The following CUL1 variants were observed in gnomAD, a reference collection of about 807,000 sequenced individuals.
The protein encoded by CUL1 is cullin 1.
A neutral mutation model predicts 118.0 loss-of-function variants in CUL1; 24 were observed. That is an observed-to-expected ratio of 0.20 (90% confidence interval 0.15 to 0.29). The LOEUF is 0.29. CUL1 is among the 10% of genes least tolerant of loss of function. The pLI is 1.00. For missense variants in CUL1, 361 were observed against 933.8 expected, an observed-to-expected ratio of 0.39 and a Z score of 7.99; for synonymous variants, 332 against 340.4, an observed-to-expected ratio of 0.98 and a Z score of 0.27.
At chr7:148,707,152 T>A (rs1387955864) in intron 1 of CUL1, among the ~76,000 whole-genome samples, 1 of 152,208 alleles carries the variant, frequency 6.6e-6, no homozygotes, top group African/African-American at 2.4e-5. Flanking sequence ...CATACTGATT[T>A]TAAAATCATC....
At chr7:148,792,048 T>A (rs1342981632) in intron 16 of CUL1, among the ~76,000 whole-genome samples, 1 of 152,094 alleles carries the variant, frequency 6.6e-6, no homozygotes, top group Non-Finnish European at 1.5e-5. Flanking sequence ...TAGCTGGGTG[T>A]GGTGGTGCAC....
chr7:148,794,682 G>A (rs940427460), intron 17 of CUL1, among the ~76,000 whole-genome samples: 2 of 152,100 alleles, frequency 1.3e-5, no homozygotes, highest in African/African-American at 4.8e-5. Context: ...AGTATTTTAA[G>A]TCTCCCACTC....
chr7:148,766,683 C>T lies in CUL1; in HGVS notation c.912C>T (p.His304=), dbSNP rs140401554. 3.7e-6 allele frequency: 6 copies of T among 1,612,736 alleles called. No individual in the cohort carries two copies. The African/African-American group carries it at 5.3e-5, about 14-fold the overall frequency. The change falls in exon 8 of 22, where the codon CAC becomes CAT. Residue 304 remains histidine (H), a synonymous_variant. Coordinates refer to ENST00000325222, the MANE Select transcript of CUL1 (RefSeq NM_003592.3). ...VLIEKHLEIF[H]TEFQNLLDAD... is the part of the protein sequence containing the mutation. ...TTGAAAAACACTTGGAAATTTTCCA[C>T]ACAGAATTTCAGAATTTATTGGATG... is the stretch of plus-strand genomic sequence containing the variant.
intron 1 of CUL1, among the ~76,000 whole-genome samples, chr7:148,710,084 G>A (rs1017196519): frequency 6.6e-6 from 1 of 152,088 alleles, no homozygotes; most frequent in Non-Finnish European, 1.5e-5. Flanking sequence ...GAAACCCTGT[G>A]TCAAAAATAA....
At chr7:148,780,071 T>C (rs1416197467) in intron 9 of CUL1, among the ~76,000 whole-genome samples, 1 of 151,876 alleles carries the variant, frequency 6.6e-6, no homozygotes, top group Non-Finnish European at 1.5e-5. Flanking sequence ...TAGCCTATTG[T>C]GGGACCTTGT....
At chr7:148,739,593 CT>C (rs1410620931) in intron 2 of CUL1, among the ~76,000 whole-genome samples, 1 of 152,040 alleles carries the variant, frequency 6.6e-6, no homozygotes, top group Non-Finnish European at 1.5e-5. Flanking sequence ...GGATATTTTG[CT>C]TTTTGTTAGT....
chr7:148,726,969 G>A (rs574219969), intron 1 of CUL1, among the ~76,000 whole-genome samples: 84 of 152,120 alleles, frequency 5.5e-4, no homozygotes, highest in Non-Finnish European at 9.4e-4. Flanking sequence ...CCGTGATCAC[G>A]CCACTGCACT....
At chr7:148,775,002 A>C (rs1207542897) in intron 9 of CUL1, among the ~76,000 whole-genome samples, 1 of 152,222 alleles carries the variant, frequency 6.6e-6, no homozygotes, top group African/African-American at 2.4e-5. Context: ...TTTTCAATGG[A>C]AGACTAAGGG....
chr7:148,764,672 A>G (rs937550800), intron 7 of CUL1, among the ~76,000 whole-genome samples: 1 of 152,220 alleles, frequency 6.6e-6, no homozygotes, highest in Admixed American at 6.5e-5. Context: ...TGCATGTTCT[A>G]TATTCCACCA....
chr7:148,799,692 T>G (rs1801323778), intron 21 of CUL1, among the ~76,000 whole-genome samples: 1 of 141,886 alleles, frequency 7.0e-6, no homozygotes, highest in Admixed American at 6.9e-5. Context: ...CTGTGTCCCA[T>G]AGAAAATCAC....
intron 1 of CUL1, among the ~76,000 whole-genome samples, chr7:148,710,581 G>A (rs555194558): frequency 1.3e-5 from 2 of 152,212 alleles, no homozygotes; most frequent in Admixed American, 6.5e-5. Flanking sequence ...GAAAAAATAC[G>A]AGCAAATGTA....
At chr7:148,716,562 T>A (rs1798220665) in intron 1 of CUL1, among the ~76,000 whole-genome samples, 1 of 152,192 alleles carries the variant, frequency 6.6e-6, no homozygotes, top group Non-Finnish European at 1.5e-5. Flanking sequence ...TCTCCCACAC[T>A]GTTTTCTCCT....
chr7:148,798,751 G>T, intron 20 of CUL1, 74 bp downstream of exon 20: 2 of 1,189,146 alleles, frequency 1.7e-6, no homozygotes, highest in Non-Finnish European at 2.5e-6. Context: ...GGGCCGTGGG[G>T]GGTAGGCGGG....
intron 2 of CUL1, among the ~76,000 whole-genome samples, chr7:148,740,855 C>T (rs1439693981): frequency 6.6e-6 from 1 of 152,204 alleles, no homozygotes; most frequent in African/African-American, 2.4e-5. Flanking sequence ...AGGTGGCCGT[C>T]TGCAACCCTG....
chr7:148,747,347 T>C (rs887033895), intron 2 of CUL1, among the ~76,000 whole-genome samples: 3 of 152,148 alleles, frequency 2.0e-5, no homozygotes, highest in Admixed American at 6.5e-5. Context: ...CAAAGTGTAA[T>C]GCTCTGCACA....
intron 7 of CUL1, among the ~76,000 whole-genome samples, 188 bp downstream of exon 7, chr7:148,760,684 G>A (rs935664210): frequency 1.3e-5 from 2 of 152,212 alleles, no homozygotes; most frequent in Middle Eastern, 3.4e-3. Flanking sequence ...TTTGGTAATC[G>A]TGACTGAGAG....
rs1041367428 is a variant in CUL1, at chr7:148,800,852, C to T, written c.*270C>T. 8.7e-5 allele frequency: 29 copies of T among 333,950 alleles called. No individual in the cohort carries two copies. The highest frequency in any genetic ancestry group is 1.3e-4 in the South Asian group (3 of 22,716). The allele number at this position is 333,950 out of a possible 1,614,324, so 20.7% of individuals were successfully genotyped here. On this transcript the variant is annotated 3_prime_UTR_variant, in exon 22 of 22. Coordinates refer to ENST00000325222, the MANE Select transcript of CUL1 (RefSeq NM_003592.3). This position sits in a 1 kb window ranked among gnomAD's most constrained non-coding sequence, Gnocchi z 4.6. ...CTCCGTGCCGAGGGCTGCATGCTAC[C>T]GCACTAAGTCAATACATGGGCTCCC...
chr7:148,781,635 G>A (rs1047230685), intron 9 of CUL1, among the ~76,000 whole-genome samples: 5 of 152,170 alleles, frequency 3.3e-5, no homozygotes, highest in Non-Finnish European at 5.9e-5. Context: ...ATTTGGAAAC[G>A]TTATAGTCAA....
chr7:148,729,931 A>G (rs1159567510), intron 1 of CUL1, 31 bp from the exon 2 acceptor site: 2 of 636,120 alleles, frequency 3.1e-6, no homozygotes, highest in South Asian at 2.3e-5. Flanking sequence ...CCCCAGAGAC[A>G]ATCCACTGAT....
Sources: allele counts gnomAD v4.1 joint callset (sites outside exome capture counted in the v4.1 genomes callset), GRCh38; gene constraint gnomAD v4.1.1; non-coding constraint Gnocchi (gnomAD v3.1); transcripts MANE v1.5; gene names NCBI Gene and HGNC (gene_info 2026-07-23, HGNC 2026-07-21).